CYP4F22: variants seen among roughly 807,000 people sequenced by gnomAD.
CYP4F22 encodes ultra-long-chain fatty acid omega-hydroxylase.
In CYP4F22, 37 loss-of-function variants were observed where a neutral mutation model predicts 60.4. The ratio of observed to expected loss-of-function variants is 0.61; its 90% confidence interval spans 0.47 to 0.81. The LOEUF is 0.81. CYP4F22 is among the 30% of genes least tolerant of loss of function. The pLI, the probability that CYP4F22 is intolerant of heterozygous loss-of-function variation, is 0.00. For missense variants in CYP4F22, 655 were observed against 715.0 expected, an observed-to-expected ratio of 0.92 and a Z score of 0.96; for synonymous variants, 258 against 280.5, an observed-to-expected ratio of 0.92 and a Z score of 0.80.
chr19:15,543,876 AAGAT>A, intron 8 of CYP4F22, 91 bp from the exon 9 acceptor site: 1 of 1,251,268 alleles, frequency 8.0e-7, no homozygotes, highest in South Asian at 1.4e-5. Context: ...AAAAAAAAAA[AAGAT>A]GGGGGCGGGG....
intron 1 of CYP4F22, among the ~76,000 whole-genome samples, chr19:15,522,450 G>A (rs1476927909): frequency 2.0e-5 from 3 of 152,116 alleles, no homozygotes; most frequent in Non-Finnish European, 4.4e-5. Flanking sequence ...AGAGGTGGGA[G>A]GATTGCTTGA....
intron 1 of CYP4F22, chr19:15,515,425 A>G (rs1364494870): frequency 8.5e-7 from 1 of 1,178,134 alleles, no homozygotes; most frequent in Non-Finnish European, 1.2e-6. Flanking sequence ...CAGCAACTTT[A>G]AGGTGTTCAG....
chr19:15,511,638 T>C (rs769650810), intron 1 of CYP4F22, among the ~76,000 whole-genome samples: 2 of 152,110 alleles, frequency 1.3e-5, no homozygotes, highest in Non-Finnish European at 2.9e-5. Context: ...CAGGCTGCCT[T>C]GACTACAGGC....
intron 1 of CYP4F22, among the ~76,000 whole-genome samples, chr19:15,523,129 C>T (rs1017633150): frequency 3.3e-5 from 5 of 149,346 alleles, no homozygotes; most frequent in Middle Eastern, 3.4e-3. Flanking sequence ...CTGAGGTGGG[C>T]GGATCACTTG....
intron 1 of CYP4F22, among the ~76,000 whole-genome samples, chr19:15,518,204 G>A (rs1385697812): frequency 2.6e-5 from 4 of 151,982 alleles, no homozygotes; most frequent in Non-Finnish European, 5.9e-5. Flanking sequence ...GGGCATGGTG[G>A]TGCATGCCTG....
intron 10 of CYP4F22, 71 bp downstream of exon 10, chr19:15,544,350 C>T (rs1433378390): frequency 6.5e-7 from 1 of 1,542,746 alleles, no homozygotes; most frequent in Non-Finnish European, 8.8e-7. Flanking sequence ...CTCTGCTCTC[C>T]CACTTACTGA....
At chr19:15,536,651 C>G (rs1311781289) in intron 4 of CYP4F22, among the ~76,000 whole-genome samples, 1 of 152,130 alleles carries the variant, frequency 6.6e-6, no homozygotes, top group African/African-American at 2.4e-5. Flanking sequence ...GGGGAAGACT[C>G]AGGTGAAGAA....
chr19:15,525,317 T>C lies in CYP4F22; in HGVS notation c.-1-19T>C. 1 of 1,611,224 alleles carries C rather than the reference T, an allele frequency of 6.2e-7. No individual in the cohort carries two copies. The highest frequency in any genetic ancestry group is 1.7e-5 in the Admixed American group (1 of 59,950). Reference sequence around the variant, plus strand: ...CGTCTTGTGCATGGCACCGACCCCCTGACCCTGTGTGTCCCCAGGATGCTG... The same window carrying C: ...CGTCTTGTGCATGGCACCGACCCCCCGACCCTGTGTGTCCCCAGGATGCTG... On this transcript the variant is annotated intron_variant, in intron 2 of 13. Transcript: ENST00000269703.
intron 1 of CYP4F22, among the ~76,000 whole-genome samples, chr19:15,512,597 T>C (rs1319547545): frequency 2.0e-5 from 3 of 151,594 alleles, no homozygotes. Flanking sequence ...TGAGCCACCA[T>C]GCCTGGCCTG....
intron 1 of CYP4F22, among the ~76,000 whole-genome samples, chr19:15,509,202 T>G (rs1016922609): frequency 3.9e-5 from 6 of 152,096 alleles, no homozygotes; most frequent in African/African-American, 1.4e-4. Flanking sequence ...CAGGTGATCT[T>G]CGTCTGATAG....
At position 15,543,805 on chromosome 19, in the gene CYP4F22, C is replaced by T. The variant is rs138490294; in HGVS notation, c.940-166C>T. ...CTGACAGTCGGAGGCTGCAGTTAGC[C>T]GAGATTGTGCCACCGCACTCCAGCC... On this transcript the variant is annotated intron_variant, in intron 8 of 13. Transcript: ENST00000269703. Among the ~76,000 whole-genome samples the T allele has an allele frequency of 5.1e-3, 758 of 149,428 alleles. 2 individuals are homozygous for T. Among genetic ancestry groups the T allele is most frequent in the South Asian group, 0.012 (56 of 4,726 alleles).
chr19:15,525,601 T>C (rs1971274615), intron 3 of CYP4F22, 43 bp downstream of exon 3: 1 of 1,580,450 alleles, frequency 6.3e-7, no homozygotes, highest in African/African-American at 1.3e-5. Flanking sequence ...GGGCTGGGCA[T>C]GTGCAGGGTA....
chr19:15,529,943 G>C, intron 4 of CYP4F22, 90 bp downstream of exon 4: 1 of 1,571,398 alleles, frequency 6.4e-7, no homozygotes, highest in Non-Finnish European at 8.7e-7. Flanking sequence ...CCAGAGGAAG[G>C]GTCATTTGAA....
intron 4 of CYP4F22, among the ~76,000 whole-genome samples, chr19:15,536,279 C>A (rs1353571094): frequency 6.6e-6 from 1 of 152,100 alleles, no homozygotes; most frequent in African/African-American, 2.4e-5. Context: ...TTGGAGGCAG[C>A]AGTGAGCTAT....
chr19:15,537,757 C>G (rs192304348), intron 6 of CYP4F22, 95 bp downstream of exon 6: 1 of 1,605,920 alleles, frequency 6.2e-7, no homozygotes, highest in Non-Finnish European at 8.5e-7. Flanking sequence ...ATGTCAGGAG[C>G]CCTCACTGAC....
chr19:15,510,579 G>A (rs944034034), intron 1 of CYP4F22, among the ~76,000 whole-genome samples: 3 of 152,142 alleles, frequency 2.0e-5, no homozygotes, highest in African/African-American at 7.2e-5. Flanking sequence ...ACTTGGGATG[G>A]TGGGCAGAAA....
chr19:15,537,258 A>C, intron 4 of CYP4F22, 103 bp from the exon 5 acceptor site: 2 of 1,457,124 alleles, frequency 1.4e-6, no homozygotes, highest in Non-Finnish European at 1.9e-6. Flanking sequence ...TGGAGATCGC[A>C]CCACTGCACT....
rs775752466 is a variant in CYP4F22, at chr19:15,525,529, C to T, written c.193C>T (p.Arg65Cys). ...RLRCFPQPPR[R>C]NWLLGHLGMY... ...GCGCTGCTTCCCCCAGCCTCCCCGG[C>T]GCAACTGGCTGCTGGGCCACCTGGG... is the stretch of plus-strand genomic sequence containing the variant. The change falls in exon 3 of 14, where the codon CGC becomes TGC. Residue 65 changes from arginine to cysteine, a missense_variant. Physicochemically the swap from Arg to Cys is radical, Grantham distance 180. Transcript: ENST00000269703. 18 of 1,610,962 alleles carry T rather than the reference C, an allele frequency of 1.1e-5. No individual in the cohort carries two copies. The highest frequency in any genetic ancestry group is 3.3e-4 in the Middle Eastern group (2 of 6,026).
At chr19:15,533,407 C>T (rs1568358970) in intron 4 of CYP4F22, among the ~76,000 whole-genome samples, 3 of 152,006 alleles carry the variant, frequency 2.0e-5, no homozygotes, top group South Asian at 2.1e-4. Flanking sequence ...AATCACTTCC[C>T]ATTTCCCTCC....
Sources: gnomAD v4.1 joint callset for allele counts (sites outside exome capture counted in the v4.1 genomes callset) on GRCh38, gnomAD v4.1.1 for gene constraint, MANE v1.5 for transcripts, NCBI Gene and HGNC (gene_info 2026-07-23, HGNC 2026-07-21) for gene names.